KRIT1: variants seen among roughly 807,000 people sequenced by gnomAD.
KRIT1 encodes the protein krev interaction trapped protein 1.
In KRIT1, 45 loss-of-function variants were observed where a neutral mutation model predicts 95.8. The ratio of observed to expected loss-of-function variants is 0.47; its 90% CI spans 0.37 to 0.60. The LOEUF (loss-of-function observed/expected upper bound fraction) is 0.60. KRIT1 is among the 20% of genes least tolerant of loss of function. KRIT1 has a pLI of 0.00. For synonymous variants in KRIT1, 282 were observed against 278.8 expected, an observed-to-expected ratio of 1.01 and a Z score of -0.11; for missense variants, 788 against 877.5, an observed-to-expected ratio of 0.90 and a Z score of 1.29.
chr7:92,218,590 G>A (rs1442205241), intron 14 of KRIT1, among the ~76,000 whole-genome samples: 1 of 151,920 alleles, frequency 6.6e-6, no homozygotes, highest in Non-Finnish European at 1.5e-5. Flanking sequence ...ATGTTGCCCA[G>A]GCATGTCTCA....
intron 17 of KRIT1, among the ~76,000 whole-genome samples, chr7:92,202,698 GC>G (rs2131117706): frequency 6.6e-6 from 1 of 152,274 alleles, no homozygotes; most frequent in Non-Finnish European, 1.5e-5. Flanking sequence ...CTGCACTCCT[GC>G]CTGGGCAACA....
intron 3 of KRIT1, among the ~76,000 whole-genome samples, chr7:92,243,484 A>T (rs1397430678): frequency 6.6e-6 from 1 of 152,212 alleles, no homozygotes; most frequent in East Asian, 1.9e-4. Context: ...TTCATATTTA[A>T]TGAGTTCCCT....
At position 92,199,527 on chromosome 7, in the gene KRIT1, T is replaced by A. The variant is rs1261029919; in HGVS notation, c.*1209A>T. 2 of 152,156 alleles carry A rather than the reference T, an allele frequency of 1.3e-5. No homozygotes were observed. Among genetic ancestry groups the A allele is most frequent in the Non-Finnish European group, 2.9e-5 (2 of 68,026 alleles). 9.4% of individuals were successfully genotyped at this position (152,156 alleles called of 1,614,324 possible). On this transcript the variant is annotated 3_prime_UTR_variant, in exon 19 of 19. Transcript: ENST00000394505. ...ATCACTACTTTCCTAAATGAAACAA[T>A]AAGATATCTGGTGATTTACTTCCTA...
chr7:92,219,457 T>C (rs1273145112), intron 14 of KRIT1, among the ~76,000 whole-genome samples: 1 of 152,226 alleles, frequency 6.6e-6, no homozygotes, highest in Non-Finnish European at 1.5e-5. Flanking sequence ...TGTATATGTA[T>C]GGGTTTATTT....
chr7:92,235,178 T>G (rs961495860), intron 8 of KRIT1, among the ~76,000 whole-genome samples: 2 of 152,076 alleles, frequency 1.3e-5, no homozygotes, highest in African/African-American at 4.8e-5. Context: ...TTTTGTATTT[T>G]TAGTAGAGAC....
intron 17 of KRIT1, among the ~76,000 whole-genome samples, chr7:92,209,093 T>C (rs1410403431): frequency 6.6e-6 from 1 of 151,530 alleles, no homozygotes; most frequent in Non-Finnish European, 1.5e-5. Flanking sequence ...AAAAACCATA[T>C]AATAGTTTCA....
rs752376692 is a variant in KRIT1, at chr7:92,213,377, T to G, written c.1843A>C (p.Ser615Arg). The change falls in exon 17 of 19, where the codon AGT becomes CGT. Residue 615 changes from serine (S) to arginine (R), a missense_variant. Ser to Arg is a moderately radical substitution (Grantham distance 110). Coordinates refer to ENST00000394505, the MANE Select transcript of KRIT1 (RefSeq NM_194454.3). Reference protein sequence around the residue: ...YKNLSTSEGVSKEMHHLQRMF... With the variant: ...YKNLSTSEGVRKEMHHLQRMF... ...CGCTGAAGGTGATGCATTTCTTTAC[T>G]GACACCTTCACTTGTACTGAGATTC... 4 of 1,611,018 alleles carry G rather than the reference T, an allele frequency of 2.5e-6. No individual in the cohort carries two copies. The highest frequency in any genetic ancestry group is 3.4e-6 in the Non-Finnish European group (4 of 1,177,424).
chr7:92,204,939 G>T (rs181889208), intron 17 of KRIT1, among the ~76,000 whole-genome samples: 1 of 152,056 alleles, frequency 6.6e-6, no homozygotes, highest in Non-Finnish European at 1.5e-5. Flanking sequence ...CTCCATTCAC[G>T]TGTGTATCTA....
At chr7:92,235,701 G>A (rs2131665183) in intron 7 of KRIT1, 55 bp from the exon 8 acceptor site, 1 of 1,566,022 alleles carries the variant, frequency 6.4e-7, no homozygotes, top group East Asian at 2.2e-5. Context: ...AGATGAAAAA[G>A]ATAGATTACT....
intron 5 of KRIT1, among the ~76,000 whole-genome samples, chr7:92,240,424 C>T (rs554216029): frequency 6.6e-6 from 1 of 152,230 alleles, no homozygotes; most frequent in East Asian, 1.9e-4. Context: ...GTAACTGAAT[C>T]TTGGATATAG....
chr7:92,235,819 A>T, intron 7 of KRIT1, 173 bp from the exon 8 acceptor site: 1 of 589,124 alleles, frequency 1.7e-6, no homozygotes, highest in Non-Finnish European at 2.9e-6. Flanking sequence ...TTATATTGCA[A>T]ATTGATTTTT....
intron 17 of KRIT1, among the ~76,000 whole-genome samples, chr7:92,207,116 G>C (rs1006714121): frequency 6.6e-6 from 1 of 152,094 alleles, no homozygotes; most frequent in Admixed American, 6.5e-5. Context: ...AACTCCCTAA[G>C]TCTTGTAAGA....
At chr7:92,231,960 C>G (rs1443807312) in intron 10 of KRIT1, among the ~76,000 whole-genome samples, 1 of 152,130 alleles carries the variant, frequency 6.6e-6, no homozygotes, top group African/African-American at 2.4e-5. Context: ...GAGATGTAGT[C>G]TCACTCAGTC....
rs1800599608 is a variant in KRIT1 at position 92,245,134 on chromosome 7, G to C, written c.-383C>G. 6.6e-6 allele frequency: 1 copy of C among 152,090 alleles called. No individual in the cohort carries two copies. Among genetic ancestry groups the C allele is most frequent in the Non-Finnish European group, 1.5e-5 (1 of 68,068 alleles). The allele number at this position is 152,090 out of a possible 1,614,324, so 9.4% of individuals were successfully genotyped here. On this transcript the variant is annotated 5_prime_UTR_variant, in exon 2 of 19. Coordinates refer to ENST00000394505, the MANE Select transcript of KRIT1 (RefSeq NM_194454.3). ...ACCGAGATGAAAGACTTCTGGTGAG[G>C]CTAAAAACATGTAGAAAAAGCGATG...
chr7:92,204,090 A>T (rs1790823851), intron 17 of KRIT1: 1 of 151,476 alleles, frequency 6.6e-6, no homozygotes, highest in African/African-American at 2.4e-5. Context: ...GTGAGATCCT[A>T]TCTCTACAAA....
At chr7:92,218,539 T>A (rs1477401993) in intron 14 of KRIT1, among the ~76,000 whole-genome samples, 3 of 151,944 alleles carry the variant, frequency 2.0e-5, no homozygotes, top group Non-Finnish European at 4.4e-5. Flanking sequence ...CCACCATGCC[T>A]GGCTAATTTT....
At chr7:92,235,032 C>T in intron 8 of KRIT1, 109 bp from the exon 9 acceptor site, 1 of 688,734 alleles carries the variant, frequency 1.5e-6, no homozygotes, top group East Asian at 2.8e-5. Context: ...ATGAGTCTTG[C>T]TCTGTTGCCC....
chr7:92,230,366 A>G (rs1244849164), intron 10 of KRIT1, among the ~76,000 whole-genome samples: 3 of 152,170 alleles, frequency 2.0e-5, no homozygotes, highest in African/African-American at 7.2e-5. Context: ...CAATGATAAG[A>G]TATCAATAAT....
intron 6 of KRIT1, among the ~76,000 whole-genome samples, chr7:92,237,365 C>T (rs1798645362): frequency 6.6e-6 from 1 of 151,984 alleles, no homozygotes; most frequent in South Asian, 2.1e-4. Context: ...TTATCTATGG[C>T]ATATCTTTAG....
Sources: gnomAD v4.1 joint callset for allele counts (sites outside exome capture counted in the v4.1 genomes callset) on GRCh38, gnomAD v4.1.1 for gene constraint, MANE v1.5 for transcripts, NCBI Gene and HGNC (gene_info 2026-07-23, HGNC 2026-07-21) for gene names.